The following CDK11B variants were observed in gnomAD, a reference collection of about 807,000 sequenced individuals.
The protein encoded by CDK11B is cyclin dependent kinase 11B, also known as cyclin-dependent kinase 11B.
CDK11B carries 37 observed loss-of-function variants against 84.0 expected under a neutral mutation model. The ratio of observed to expected loss-of-function variants is 0.44; its 90% CI spans 0.34 to 0.58. The LOEUF (loss-of-function observed/expected upper bound fraction) is 0.58, where lower values mean the gene tolerates loss of function less well. Among genes scored for constraint, CDK11B ranks in the 20% least tolerant of loss-of-function variants. CDK11B has a pLI of 0.02. For missense variants in CDK11B, 427 were observed against 834.0 expected (o/e 0.51, Z 6.01); for synonymous variants, 269 against 309.8 (o/e 0.87, Z 1.38).
At chr1:1,653,863 C>CACA (rs761317190) in intron 3 of CDK11B, among the ~76,000 whole-genome samples, 9 of 132,846 alleles carry the variant, frequency 6.8e-5, no homozygotes, top group South Asian at 2.2e-4. Context: ...CACACACACA[C>CACA]CCGAGCGTGG....
chr1:1,650,883 GA>G (rs1641919993), intron 4 of CDK11B, among the ~76,000 whole-genome samples: 1 of 151,928 alleles, frequency 6.6e-6, no homozygotes, highest in African/African-American at 2.4e-5. Flanking sequence ...GAAGAAAAAA[GA>G]AAAACAATTC....
chr1:1,652,631 T>C (rs1204819161), intron 3 of CDK11B, 65 bp from the exon 4 acceptor site: 1 of 1,256,778 alleles, frequency 8.0e-7, no homozygotes, highest in Non-Finnish European at 1.0e-6. Flanking sequence ...CAGGCTATTA[T>C]AAGGTTTCTT....
chr1:1,652,314 G>T (rs1179631179), intron 4 of CDK11B, 125 bp downstream of exon 4: 13 of 778,564 alleles, frequency 1.7e-5, no homozygotes. Context: ...TGTGACACAC[G>T]TATGCTTTCA....
At chr1:1,655,320 G>A (rs1642600037) in intron 3 of CDK11B, 49 bp downstream of exon 3, 3 of 1,597,544 alleles carry the variant, frequency 1.9e-6, no homozygotes, top group Non-Finnish European at 2.6e-6. Flanking sequence ...GGACCGGCCA[G>A]GCCAGGGCTG....
chr1:1,637,047 C>G, intron 15 of CDK11B, 34 bp downstream of exon 15: 1 of 1,613,310 alleles, frequency 6.2e-7, no homozygotes, highest in Non-Finnish European at 8.5e-7. Context: ...CCCGGCAGGT[C>G]TCCCTGGGAT....
rs375978633 is a variant in CDK11B, at chr1:1,637,463, A to G, written c.1515T>C (p.Tyr505=). The change falls in exon 14 of 20, where the codon TAT becomes TAC. Residue 505 remains tyrosine, a synonymous_variant. Transcript: ENST00000341832. The part of the protein sequence containing the change: ...NMDKIYIVMN[Y]VEHDLKSLME... ...TCAGGCTCTTGAGGTCGTGCTCCACATAGTTCATCACGATGTAGATCTTGT... is the reference window on the plus strand; with the variant it reads ...TCAGGCTCTTGAGGTCGTGCTCCACGTAGTTCATCACGATGTAGATCTTGT... 890 of 1,613,050 alleles carry G rather than the reference A, an allele frequency of 5.5e-4. 7 individuals carry two copies. In the East Asian group the frequency reaches 0.011, roughly 20 times the overall value.
chr1:1,654,252 G>C (rs1288462997), intron 3 of CDK11B: 2 of 438,140 alleles, frequency 4.6e-6, no homozygotes, highest in Admixed American at 5.4e-5. Flanking sequence ...AGAAACGTCG[G>C]AACACACAGG....
At chr1:1,655,509 C>A (rs996505310) in intron 2 of CDK11B, 25 bp from the exon 3 acceptor site, 4 of 1,570,478 alleles carry the variant, frequency 2.5e-6, no homozygotes, top group African/African-American at 2.7e-5. Flanking sequence ...GAAAGTTAAT[C>A]ATTTTCTTTA....
At chr1:1,648,438 C>A (rs1641454849) in intron 5 of CDK11B, among the ~76,000 whole-genome samples, 2 of 152,102 alleles carry the variant, frequency 1.3e-5, no homozygotes, top group Admixed American at 6.5e-5. Context: ...CTCCCACACC[C>A]TTCGGCATCA....
chr1:1,636,002 G>T lies in CDK11B; in HGVS notation c.2191C>A (p.Gln731Lys). 1 of 407,096 alleles carries T rather than the reference G, an allele frequency of 2.5e-6. No individual in the cohort carries two copies. Among genetic ancestry groups the T allele is most frequent in the Non-Finnish European group, 4.1e-6 (1 of 242,038 alleles). The allele number at this position is 407,096 out of a possible 1,614,324, so 25.2% of individuals were successfully genotyped here. Residue 731 changes from glutamine to lysine, a missense_variant, in exon 19 of 20, where the codon CAG becomes AAG. Around this residue, in one of 12 missense-constraint regions of CDK11B, gnomAD observed 170 missense variants for 196.0 expected, o/e 0.87. Transcript: ENST00000341832. ...CTGGTGCCCCGCTTCACACGCTGCT[G>T]CTCGCTCTTGGCGGGCCACGTGGGG... is the stretch of plus-strand genomic sequence containing the variant. ...MFPTWPAKSEQQRVKRGTSPR... is the reference protein window; with the variant it reads ...MFPTWPAKSEKQRVKRGTSPR...
intron 4 of CDK11B, among the ~76,000 whole-genome samples, chr1:1,651,392 C>T (rs1359219461): frequency 6.6e-6 from 1 of 150,648 alleles, no homozygotes; most frequent in Non-Finnish European, 1.5e-5. Flanking sequence ...CTGTGATACA[C>T]GCATGCTTTC....
Position 1,637,012 on chromosome 1 carries a change from G to T in CDK11B, c.1693-8C>A. The T allele has an allele frequency of 6.2e-7, 1 of 1,612,902 alleles. No homozygotes were observed. The highest frequency in any genetic ancestry group is 8.5e-7 in the Non-Finnish European group (1 of 1,179,486). On this transcript the variant is annotated splice_region_variant and splice_polypyrimidine_tract_variant and intron_variant, in intron 15 of 19. Coordinates refer to ENST00000341832, the MANE Select transcript of CDK11B (RefSeq NM_033486.3). ...CAGCCCGAAGTCACCCACCTGCAAC[G>T]ACAGATGGGCGGCTGTGAGTGGGCC...
chr1:1,650,129 GT>G (rs1234397883), intron 4 of CDK11B, among the ~76,000 whole-genome samples: 1 of 150,596 alleles, frequency 6.6e-6, no homozygotes, highest in Non-Finnish European at 1.5e-5. Context: ...AATTAGCTGG[GT>G]GTGGTGGCGG....
In CDK11B at chr1:1,637,382, G is replaced by C. The variant is rs376921838; in HGVS notation, c.1570+26C>G. Reference sequence around the variant, plus strand: ...AGGACCCTGCCCCCACTTGTACGCAGACAGGCCCCTGGGGCGCGGCTGTAC... The same window carrying C: ...AGGACCCTGCCCCCACTTGTACGCACACAGGCCCCTGGGGCGCGGCTGTAC... On this transcript the variant is annotated intron_variant, in intron 14 of 19. Transcript: ENST00000341832. 3.4e-5 allele frequency: 54 copies of C among 1,608,674 alleles called. No homozygotes were observed. The Middle Eastern group carries it at 8.2e-4, about 24-fold the overall frequency.
rs1192250660 is a variant in CDK11B, at chr1:1,641,251, G to C, written c.1010-138C>G. 4 of 1,414,474 alleles carry C rather than the reference G, an allele frequency of 2.8e-6. 1 individual carries two copies. The highest frequency in any genetic ancestry group is 2.4e-5 in the East Asian group (1 of 41,732). 87.6% of individuals were successfully genotyped at this position (1,414,474 alleles called of 1,614,324 possible). A position where few individuals can be genotyped will look rare whatever the true frequency, so the allele number is the denominator to read the frequency against. On this transcript the variant is annotated intron_variant, in intron 9 of 19. Coordinates refer to ENST00000341832, the MANE Select transcript of CDK11B (RefSeq NM_033486.3). ...AGGCCGGGCGCGGTGGCTCACGCCT[G>C]TAATCCCAGCGCTTTGGGAGGCCAA...
chr1:1,658,225 G>A (rs1295072300), intron 1 of CDK11B, among the ~76,000 whole-genome samples: 2 of 150,032 alleles, frequency 1.3e-5, no homozygotes, highest in African/African-American at 5.0e-5. Flanking sequence ...AGCGCCTGTA[G>A]TCCCATATAC....
Position 1,655,330 on chromosome 1 carries a change from G to A in CDK11B, c.227+39C>T, listed in dbSNP as rs559040711. 1.8e-5 allele frequency: 29 copies of A among 1,606,794 alleles called. No homozygotes were observed. The South Asian group carries it at 2.9e-4, about 16-fold the overall frequency. On this transcript the variant is annotated intron_variant, in intron 3 of 19. Coordinates refer to ENST00000341832, the MANE Select transcript of CDK11B (RefSeq NM_033486.3). ...AGGAAGGACCGGCCAGGCCAGGGCT[G>A]TGTACAGCTGGGTCTTGCACATCTG...
In CDK11B at chr1:1,650,396, T is replaced by G. The variant is rs879046380; in HGVS notation, c.356-759A>C. 7.0e-3 allele frequency among the ~76,000 whole-genome samples: 1,016 copies of G among 144,540 alleles called. 24 individuals are homozygous for G. The highest frequency in any genetic ancestry group is 0.024 in the African/African-American group (934 of 38,132). 94.8% of individuals were successfully genotyped at this position (144,540 alleles called of 152,430 possible). A position where few individuals can be genotyped will look rare whatever the true frequency, so the allele number is the denominator to read the frequency against. ...TTTTTTTTTTTTGGAGATGGAGTCT[T>G]GCTCTGTCGCCCAGGCTGGAGTGCA... On this transcript the variant is annotated intron_variant, in intron 4 of 19. Transcript: ENST00000341832.
chr1:1,655,620 T>C, intron 2 of CDK11B, 136 bp from the exon 3 acceptor site: 1 of 1,334,610 alleles, frequency 7.5e-7, no homozygotes, highest in Non-Finnish European at 9.9e-7. Flanking sequence ...TGAGCCAGTG[T>C]TATAAAATAT....
Sources: allele counts gnomAD v4.1 joint callset (sites outside exome capture counted in the v4.1 genomes callset), GRCh38; gene constraint gnomAD v4.1.1; regional missense constraint gnomAD v4.1.1; transcripts MANE v1.5; gene names NCBI Gene and HGNC (gene_info 2026-07-23, HGNC 2026-07-21).